The following MYOM3 variants were observed in gnomAD, a reference collection of about 807,000 sequenced individuals.
MYOM3 encodes myomesin 3, also known as myomesin-3.
Under a neutral mutation model 191.7 loss-of-function variants are expected in MYOM3, and 155 were observed. The ratio of observed to expected loss-of-function variants is 0.81; its 90% confidence interval spans 0.71 to 0.92. The LOEUF is 0.92. MYOM3 is among the 40% of genes least tolerant of loss of function. MYOM3 has a pLI of 0.00. For missense variants in MYOM3, 1,889 were observed against 1,890.6 expected, an observed-to-expected ratio of 1.00 and a Z score of 0.02; for synonymous variants, 757 against 762.9, an observed-to-expected ratio of 0.99 and a Z score of 0.13.
chr1:24,066,710 G>T, intron 28 of MYOM3: 1 of 410,890 alleles, frequency 2.4e-6, no homozygotes, highest in Non-Finnish European at 4.3e-6. Context: ...ATAAACACAG[G>T]GATACCCCTC....
chr1:24,098,168 GT>G (rs1272824966), intron 6 of MYOM3, among the ~76,000 whole-genome samples, 157 bp from the exon 7 acceptor site: 1 of 152,182 alleles, frequency 6.6e-6, no homozygotes, highest in Non-Finnish European at 1.5e-5. Context: ...GTGTTTTCTG[GT>G]TGGCCACTGC....
Position 24,080,113 on chromosome 1 carries a change from GC to G in MYOM3, c.2488del (p.Ala830LeufsTer32). 6.2e-7 allele frequency: 1 copy of G among 1,614,114 alleles called. No homozygotes were observed. Among genetic ancestry groups the G allele is most frequent in the Non-Finnish European group, 8.5e-7 (1 of 1,179,976 alleles). ...LQWEPPLYMG[A>X]GPVTGYHVSF... ...GACGTGATAGCCTGTGACAGGCCCAGCCCCCATATACAGTGGGGGTTCCCAC... is the reference window on the plus strand; with the variant it reads ...GACGTGATAGCCTGTGACAGGCCCAGCCCCATATACAGTGGGGGTTCCCAC... On this transcript the variant is annotated frameshift_variant, in exon 20 of 37. Coordinates refer to ENST00000374434, the MANE Select transcript of MYOM3 (RefSeq NM_152372.4). LOFTEE classifies it high-confidence loss of function.
In MYOM3 at chr1:24,099,728, T is replaced by C. The variant is rs774352052; in HGVS notation, c.608A>G (p.Lys203Arg). Residue 203 changes from lysine (K) to arginine (R), a missense_variant, in exon 6 of 37, where the codon AAA becomes AGA. By Grantham distance (26) the Lys-to-Arg change is conservative. Coordinates refer to ENST00000374434, the MANE Select transcript of MYOM3 (RefSeq NM_152372.4). ...CCCGTAGTTGTTGGTGATTCGGTAT[T>C]TTCCGGCACGAAAGAGGCGGGGATC... ...RIDPRLFRAGKYRITNNYGLL... is the reference protein window; with the variant it reads ...RIDPRLFRAGRYRITNNYGLL... 2 of 1,614,112 alleles carry C rather than the reference T, an allele frequency of 1.2e-6. No individual in the cohort carries two copies. Among genetic ancestry groups the C allele is most frequent in the South Asian group, 1.1e-5 (1 of 91,074 alleles).
chr1:24,090,955 G>GC lies in MYOM3; in HGVS notation c.1273dup (p.Ala425GlyfsTer45). 6.2e-7 allele frequency: 1 copy of GC among 1,614,060 alleles called. No individual in the cohort carries two copies. Among genetic ancestry groups the GC allele is most frequent in the South Asian group, 1.1e-5 (1 of 91,082 alleles). ...TGGGCACCGACAAGTCCCTCCGGGGGCCTCATGGCAGGCGATCCATTCCCC... is the reference window on the plus strand; with the variant it reads ...TGGGCACCGACAAGTCCCTCCGGGGGCCCTCATGGCAGGCGATCCATTCCCC... On this transcript the variant is annotated frameshift_variant, in exon 12 of 37. Coordinates refer to ENST00000374434, the MANE Select transcript of MYOM3 (RefSeq NM_152372.4). LOFTEE classifies it high-confidence loss of function.
chr1:24,063,641 G>T lies in MYOM3; in HGVS notation c.3623-111C>A. The T allele has an allele frequency of 5.7e-6, 7 of 1,237,968 alleles. No individual in the cohort carries two copies. The South Asian group carries it at 8.9e-5, about 16-fold the overall frequency. 76.7% of individuals were successfully genotyped at this position (1,237,968 alleles called of 1,614,324 possible). On this transcript the variant is annotated intron_variant, in intron 30 of 36. Transcript: ENST00000374434. This position sits in a 1 kb window ranked among gnomAD's most constrained non-coding sequence, Gnocchi z 4.5. ...GTGGAGCCCGTGAGCTGCTCTCAGG[G>T]GGACAGGCAACTCTGTAGGATGACT...
Position 24,086,697 on chromosome 1 carries a change from C to A in MYOM3, c.1745G>T (p.Gly582Val). The A allele has an allele frequency of 6.2e-7, 1 of 1,614,164 alleles. No homozygotes were observed. Among genetic ancestry groups the A allele is most frequent in the Non-Finnish European group, 8.5e-7 (1 of 1,180,016 alleles). ...GCTGGGCTCCGAGGGATCGCTCAGG[C>A]CATACTGGTTCATTGCTCGCACTCT... ...VFRVRAMNQYGLSDPSEPSEP... is the reference protein window; with the variant it reads ...VFRVRAMNQYVLSDPSEPSEP... Residue 582 changes from glycine to valine, a missense_variant, in exon 15 of 37, where the codon GGC becomes GTC. Physicochemically the swap from Gly to Val is moderately radical, Grantham distance 109 (BLOSUM62 -3). Transcript: ENST00000374434.
rs78140065 is a variant in MYOM3 at position 24,060,195 on chromosome 1, G to A, written c.3994+865C>T. Among the ~76,000 whole-genome samples the A allele has an allele frequency of 3.3e-5, 5 of 152,262 alleles. No homozygotes were observed. The East Asian group carries it at 9.7e-4, about 29-fold the overall frequency. On this transcript the variant is annotated intron_variant, in intron 35 of 36. Transcript: ENST00000374434. ...TGGTACAAGAGCCTCCTCGTGGCCT[G>A]AGGCTGAGGCTGGTCTTGGGCTGTG...
rs1349954113 is a variant in MYOM3 at position 24,076,515 on chromosome 1, T to C, written c.2587-242A>G. ...TTATTTCCCTAATGTTTCTTTTTTT[T>C]TTTTTTTTTTTTTTTTGAGACGGAG... On this transcript the variant is annotated intron_variant, in intron 20 of 36. Coordinates refer to ENST00000374434, the MANE Select transcript of MYOM3 (RefSeq NM_152372.4). Among the ~76,000 whole-genome samples the C allele has an allele frequency of 3.0e-4, 19 of 63,240 alleles. 5 individuals carry two copies. The highest frequency in any genetic ancestry group is 8.7e-4 in the African/African-American group (17 of 19,614). 41.5% of individuals were successfully genotyped at this position (63,240 alleles called of 152,430 possible). A position where few individuals can be genotyped will look rare whatever the true frequency, so the allele number is the denominator to read the frequency against.
rs759843624 is a variant in MYOM3, at chr1:24,064,040, T to C, written c.3622+32A>G. 9.7e-6 allele frequency: 15 copies of C among 1,552,524 alleles called. No individual in the cohort carries two copies. In the South Asian group the frequency reaches 1.6e-4, roughly 16 times the overall value. On this transcript the variant is annotated intron_variant, in intron 30 of 36. Transcript: ENST00000374434. ...TCACAGTCTGCTCCACTGTGCTCCC[T>C]CCACAGCCCCTGACCCATCGCCAGC...
At chr1:24,070,140 A>G (rs903009700) in intron 25 of MYOM3, among the ~76,000 whole-genome samples, 2 of 152,248 alleles carry the variant, frequency 1.3e-5, no homozygotes, top group African/African-American at 4.8e-5. Context: ...GTCGTTTAAA[A>G]TAAAAATATT....
At chr1:24,081,493 T>C in intron 18 of MYOM3, 37 bp from the exon 19 acceptor site, 1 of 1,604,660 alleles carries the variant, frequency 6.2e-7, no homozygotes, top group Non-Finnish European at 8.5e-7. Flanking sequence ...AGGCTGAGGC[T>C]GGAGGAGGGA....
chr1:24,089,462 A>G, intron 14 of MYOM3, 76 bp downstream of exon 14: 1 of 1,489,674 alleles, frequency 6.7e-7, no homozygotes, highest in Non-Finnish European at 8.9e-7. Context: ...CGGCCTCCCC[A>G]GGGGACACTG....
intron 25 of MYOM3, among the ~76,000 whole-genome samples, chr1:24,070,385 C>T (rs912656014): frequency 6.6e-6 from 1 of 151,182 alleles, no homozygotes; most frequent in Non-Finnish European, 1.5e-5. Flanking sequence ...CAGGAGTTTG[C>T]AGCCTGGGCA....
At position 24,067,387 on chromosome 1, in the gene MYOM3, TTTCCTTCCTTCCTTCCTTCCTTCC is replaced by T. The variant is rs55795415; in HGVS notation, c.3356-323_3356-300del. Among the ~76,000 whole-genome samples the T allele has an allele frequency of 3.3e-3, 209 of 63,076 alleles. 8 individuals carry two copies. The highest frequency in any genetic ancestry group is 0.012 in the South Asian group (19 of 1,540). The allele number at this position is 63,076 out of a possible 152,430, so 41.4% of individuals were successfully genotyped here. ...TTCTTTCTTTCCTTCTTTCTTTCTTTTTCCTTCCTTCCTTCCTTCCTTCCTTCCTTCCTTCCTTCCTTCCTTCCT... is the reference window on the plus strand; with the variant it reads ...TTCTTTCTTTCCTTCTTTCTTTCTTTTTCCTTCCTTCCTTCCTTCCTTCCT... On this transcript the variant is annotated intron_variant, in intron 27 of 36. Coordinates refer to ENST00000374434, the MANE Select transcript of MYOM3 (RefSeq NM_152372.4).
chr1:24,101,785 G>C (rs1643938586), intron 5 of MYOM3, among the ~76,000 whole-genome samples: 4 of 152,170 alleles, frequency 2.6e-5, no homozygotes. Flanking sequence ...ATGTCCTCTG[G>C]TGATTCCCAA....
rs1284991424 is a variant in MYOM3, at chr1:24,063,312, C to T, written c.3662-78G>A. 4.2e-6 allele frequency: 6 copies of T among 1,422,254 alleles called. No homozygotes were observed. Among genetic ancestry groups the T allele is most frequent in the South Asian group, 1.1e-5 (1 of 86,990 alleles). The allele number at this position is 1,422,254 out of a possible 1,614,324, so 88.1% of individuals were successfully genotyped here. ...GATTTTGGGGCCGGCTTGTCTGCCT[C>T]TGCCCTGGGGGGCAGGTGCTGTGGG... is the stretch of plus-strand genomic sequence containing the variant. On this transcript the variant is annotated intron_variant, in intron 31 of 36. Coordinates refer to ENST00000374434, the MANE Select transcript of MYOM3 (RefSeq NM_152372.4). This position sits in a 1 kb window ranked among gnomAD's most constrained non-coding sequence, Gnocchi z 4.5.
chr1:24,087,394 C>T lies in MYOM3; in HGVS notation c.1615-567G>A, dbSNP rs773134416. ...TTTATAGCACGTGTCAGACCAGGTC[C>T]CTGTCTGCCCAGAACCCTCCCACGT... is the stretch of plus-strand genomic sequence containing the variant. On this transcript the variant is annotated intron_variant, in intron 14 of 36. Coordinates refer to ENST00000374434, the MANE Select transcript of MYOM3 (RefSeq NM_152372.4). The surrounding 1 kb of genome is among the most constrained non-coding windows in gnomAD (Gnocchi z 4.5). Among the ~76,000 whole-genome samples the T allele has an allele frequency of 3.3e-5, 5 of 152,072 alleles. No homozygotes were observed. The highest frequency in any genetic ancestry group is 2.0e-4 in the Admixed American group (3 of 15,260).
In MYOM3 at chr1:24,105,987, C is replaced by T. The variant is rs192424154; in HGVS notation, c.493G>A (p.Val165Ile). ...WFWIPLRSHA[V>I]WEHTTVLLTC... Reference sequence around the variant, plus strand: ...AGCAGGACCGTGGTGTGCTCCCAGACGGCGTGGGAGCGAAGAGGGATCCAG... The same window carrying T: ...AGCAGGACCGTGGTGTGCTCCCAGATGGCGTGGGAGCGAAGAGGGATCCAG... Residue 165 changes from valine to isoleucine, a missense_variant, in exon 5 of 37, where the codon GTC becomes ATC. Physicochemically the swap from Val to Ile is conservative, Grantham distance 29. Coordinates refer to ENST00000374434, the MANE Select transcript of MYOM3 (RefSeq NM_152372.4). 179 of 1,613,972 alleles carry T rather than the reference C, an allele frequency of 1.1e-4. No individual in the cohort carries two copies. The East Asian group carries it at 1.3e-3, about 12-fold the overall frequency.
chr1:24,096,733 CGT>C lies in MYOM3; in HGVS notation c.745+1188_745+1189del, dbSNP rs144797762. 4.8e-3 allele frequency among the ~76,000 whole-genome samples: 725 copies of C among 150,726 alleles called. 4 individuals carry two copies. Among genetic ancestry groups the C allele is most frequent in the African/African-American group, 0.01 (419 of 41,186 alleles). On this transcript the variant is annotated intron_variant, in intron 7 of 36. Transcript: ENST00000374434. ...GAGTGCGCGTGTGTGTATGAGTGCA[CGT>C]GTGTGTGTGTGTGTATGTGTGCACA... is the stretch of plus-strand genomic sequence containing the variant.
Sources: allele counts gnomAD v4.1 joint callset (sites outside exome capture counted in the v4.1 genomes callset), GRCh38; gene constraint gnomAD v4.1.1; non-coding constraint Gnocchi (gnomAD v3.1); transcripts MANE v1.5; gene names NCBI Gene and HGNC (gene_info 2026-07-23, HGNC 2026-07-21).